Variants in PTPRN2 observed in about 807,000 individuals in gnomAD.
PTPRN2 encodes the protein receptor-type tyrosine-protein phosphatase N2.
PTPRN2 carries 74 observed loss-of-function variants against 118.8 expected under a neutral mutation model. That is an observed-to-expected ratio of 0.62 (90% CI 0.52 to 0.76). The LOEUF (loss-of-function observed/expected upper bound fraction) is 0.76. Ranked by LOEUF, PTPRN2 falls within the 30% of genes least tolerant of loss-of-function variation. PTPRN2 has a pLI of 0.00. For missense variants in PTPRN2, 1,481 were observed against 1,394.4 expected (o/e 1.06, Z -0.99); for synonymous variants, 641 against 608.0 (o/e 1.05, Z -0.80).
At chr7:157,910,299 G>A (rs1161116182) in intron 11 of PTPRN2, among the ~76,000 whole-genome samples, 7 of 150,054 alleles carry the variant, frequency 4.7e-5, no homozygotes, top group African/African-American at 1.2e-4. Context: ...GATCACGCAC[G>A]TACGCCGTGG....
intron 1 of PTPRN2, among the ~76,000 whole-genome samples, chr7:158,587,033 C>CG (rs1828981144): frequency 6.6e-6 from 1 of 152,030 alleles, no homozygotes; most frequent in African/African-American, 2.4e-5. Flanking sequence ...GACCCGTGGC[C>CG]GGGGGCTTGA....
chr7:157,552,425 T>G (rs79461810), intron 21 of PTPRN2, among the ~76,000 whole-genome samples: 1,735 of 152,112 alleles, frequency 0.011, 33 homozygotes, highest in African/African-American at 0.04. Flanking sequence ...CATCTAACAC[T>G]GGGTCTCGTA....
intron 1 of PTPRN2, among the ~76,000 whole-genome samples, chr7:158,510,103 C>G (rs1034971025): frequency 6.6e-6 from 1 of 152,184 alleles, no homozygotes; most frequent in African/African-American, 2.4e-5. Context: ...AGAGAGACAC[C>G]TCAGAGCCTG....
intron 2 of PTPRN2, among the ~76,000 whole-genome samples, chr7:158,366,028 C>T (rs1043170033): frequency 2.0e-5 from 3 of 148,728 alleles, no homozygotes; most frequent in Admixed American, 1.3e-4. Context: ...TGCAAATACA[C>T]ACACACACAG....
chr7:158,479,095 G>A (rs376582968), intron 2 of PTPRN2, among the ~76,000 whole-genome samples: 10 of 152,060 alleles, frequency 6.6e-5, no homozygotes, highest in Middle Eastern at 3.2e-3. Context: ...AACAGAGGCC[G>A]GAGATGCAGA....
In PTPRN2 at chr7:158,134,079, G is replaced by A. The variant is rs150438581; in HGVS notation, c.1174-20C>T. 384 of 1,602,318 alleles carry A rather than the reference G, an allele frequency of 2.4e-4. No homozygotes were observed. The Middle Eastern group carries it at 3.2e-3, about 13-fold the overall frequency. On this transcript the variant is annotated intron_variant, in intron 8 of 22. Transcript: ENST00000389418. ...ATGGACCTGACAGAGAGGACATTCC[G>A]TGAGGGACGTCTGCGAAAGGAATGC...
chr7:158,057,655 A>G (rs1319153153), intron 11 of PTPRN2, among the ~76,000 whole-genome samples: 3 of 152,146 alleles, frequency 2.0e-5, no homozygotes, highest in Non-Finnish European at 4.4e-5. Context: ...AGGACCCCAG[A>G]GAGCCCAGGC....
intron 2 of PTPRN2, among the ~76,000 whole-genome samples, chr7:158,479,064 T>A (rs974668292): frequency 1.3e-5 from 2 of 151,978 alleles, no homozygotes; most frequent in Non-Finnish European, 2.9e-5. Flanking sequence ...AGTGAGTGTT[T>A]CGGGGGCAGA....
chr7:157,954,766 T>G (rs528927901), intron 11 of PTPRN2, among the ~76,000 whole-genome samples: 2 of 152,154 alleles, frequency 1.3e-5, no homozygotes, highest in African/African-American at 4.8e-5. Flanking sequence ...TCCCATGCAG[T>G]TGAGTGTCCT....
intron 14 of PTPRN2, among the ~76,000 whole-genome samples, chr7:157,651,068 C>T (rs1805623293): frequency 5.9e-5 from 9 of 152,222 alleles, no homozygotes; most frequent in Admixed American, 5.9e-4. Flanking sequence ...ACGCATCACG[C>T]GTCTCACGCT....
chr7:158,000,347 A>G (rs1805119337), intron 11 of PTPRN2, among the ~76,000 whole-genome samples: 1 of 142,696 alleles, frequency 7.0e-6, no homozygotes, highest in Admixed American at 7.3e-5. Flanking sequence ...GGCCCGTAAG[A>G]GAAGGGTTTA....
At chr7:158,217,944 G>A (rs933496341) in intron 3 of PTPRN2, among the ~76,000 whole-genome samples, 6 of 152,166 alleles carry the variant, frequency 3.9e-5, no homozygotes, top group Non-Finnish European at 7.4e-5. Flanking sequence ...ATGGGATTAT[G>A]TAAAGTGACC....
intron 3 of PTPRN2, among the ~76,000 whole-genome samples, chr7:158,261,041 A>G (rs1797362334): frequency 6.6e-6 from 1 of 152,136 alleles, no homozygotes; most frequent in Non-Finnish European, 1.5e-5. Context: ...TCCTCTGAGA[A>G]GCTGCACTGT....
chr7:158,329,033 T>C (rs77363986), intron 2 of PTPRN2, among the ~76,000 whole-genome samples: 3,099 of 147,856 alleles, frequency 0.021, 98 homozygotes, highest in African/African-American at 0.072. Context: ...TCACTATGAG[T>C]GGGGCCTCCA....
intron 2 of PTPRN2, among the ~76,000 whole-genome samples, chr7:158,326,538 G>C (rs963476896): frequency 5.9e-5 from 9 of 152,310 alleles, no homozygotes; most frequent in Admixed American, 5.9e-4. Context: ...CACATATGCA[G>C]ACACACAACC....
intron 3 of PTPRN2, among the ~76,000 whole-genome samples, chr7:158,249,221 GCATA>G (rs1202161613): frequency 2.0e-5 from 3 of 151,122 alleles, no homozygotes; most frequent in African/African-American, 4.9e-5. Flanking sequence ...ATACATAAAT[GCATA>G]CATACACGTA....
intron 12 of PTPRN2, among the ~76,000 whole-genome samples, chr7:157,707,291 T>C (rs1384459561): frequency 6.6e-6 from 1 of 151,478 alleles, no homozygotes; most frequent in East Asian, 1.9e-4. Context: ...ATACCCAGCA[T>C]ACTTACACAC....
rs1421840752 is a variant in PTPRN2, at chr7:158,103,327, T to C, written c.1643+7502A>G. Among the ~76,000 whole-genome samples, 54 of 152,322 alleles carry C rather than the reference T, an allele frequency of 3.5e-4. 1 individual carries two copies. Among genetic ancestry groups the C allele is most frequent in the Non-Finnish European group, 1.5e-5 (1 of 68,020 alleles). On this transcript the variant is annotated intron_variant, in intron 10 of 22. Transcript: ENST00000389418. The stretch of plus-strand genomic sequence containing the variant: ...ATGCAGTTTGAACCATTCAGGACAC[T>C]TGATGGCAGGTGGCTCCTTCCAGTT...
At chr7:157,667,966 G>A (rs528840550) in intron 13 of PTPRN2, among the ~76,000 whole-genome samples, 14 of 152,328 alleles carry the variant, frequency 9.2e-5, no homozygotes, top group African/African-American at 2.4e-4. Flanking sequence ...GACCATCCCC[G>A]CAGGACAGTG....
Sources: gnomAD v4.1 joint callset for allele counts (sites outside exome capture counted in the v4.1 genomes callset) on GRCh38, gnomAD v4.1.1 for gene constraint, MANE v1.5 for transcripts, NCBI Gene and HGNC (gene_info 2026-07-23, HGNC 2026-07-21) for gene names.